MYLK: variants seen among roughly 807,000 people sequenced by gnomAD.
MYLK encodes the protein myosin light chain kinase, smooth muscle.
Under a neutral mutation model 203.4 loss-of-function variants are expected in MYLK, and 106 were observed. The observed-to-expected ratio is 0.52, with a 90% CI of 0.45 to 0.61. The LOEUF is 0.61. MYLK is among the 20% of genes least tolerant of loss of function. The pLI is 0.00. For missense variants in MYLK, 2,072 were observed against 2,442.3 expected (o/e 0.85, Z 3.20); for synonymous variants, 867 against 959.5 (o/e 0.90, Z 1.78).
chr3:123,854,328 T>A (rs965707830), intron 2 of MYLK, among the ~76,000 whole-genome samples: 7 of 152,022 alleles, frequency 4.6e-5, no homozygotes, highest in African/African-American at 1.7e-4. Context: ...TTAAAAAATC[T>A]ATAATTATTA....
At chr3:123,634,253 G>A (rs996018024) in intron 29 of MYLK, among the ~76,000 whole-genome samples, 9 of 152,196 alleles carry the variant, frequency 5.9e-5, no homozygotes, top group African/African-American at 2.2e-4. Context: ...GGCTTGGAGA[G>A]GGAACAGGGA....
At chr3:123,615,334 C>CTT (rs1436742883) in intron 33 of MYLK, among the ~76,000 whole-genome samples, 1 of 151,860 alleles carries the variant, frequency 6.6e-6, no homozygotes, top group Non-Finnish European at 1.5e-5. Context: ...ATACAATTTT[C>CTT]TTTTTCCTTT....
intron 21 of MYLK, 147 bp from the exon 22 acceptor site, chr3:123,666,493 G>A (rs2059739737): frequency 1.7e-6 from 2 of 1,145,774 alleles, no homozygotes; most frequent in Non-Finnish European, 1.3e-6. Flanking sequence ...TGATCCTGCT[G>A]CAGGACATCC....
rs558165976 is a variant in MYLK at position 123,821,726 on chromosome 3, G to A, written c.-4+9822C>T. 8.5e-5 allele frequency among the ~76,000 whole-genome samples: 13 copies of A among 152,246 alleles called. No individual in the cohort carries two copies. In the East Asian group the frequency reaches 1.4e-3, roughly 16 times the overall value. ...ATGCTTTCCTATGATACTATGGGTC[G>A]TCTGCTTTCATTATGTTTATGTAAG... On this transcript the variant is annotated intron_variant, in intron 3 of 33. Transcript: ENST00000360304.
chr3:123,706,158 A>C (rs373777979), intron 16 of MYLK, among the ~76,000 whole-genome samples: 1 of 152,334 alleles, frequency 6.6e-6, no homozygotes, highest in East Asian at 1.9e-4. Context: ...GCCTTGCCTA[A>C]ATCAGCAGAA....
At chr3:123,659,388 G>A (rs2059493399) in intron 23 of MYLK, among the ~76,000 whole-genome samples, 1 of 152,224 alleles carries the variant, frequency 6.6e-6, no homozygotes, top group Admixed American at 6.5e-5. Context: ...TGTTACACAT[G>A]TCTCTTGGCT....
At chr3:123,656,527 T>C (rs146489040) in intron 24 of MYLK, among the ~76,000 whole-genome samples, 39 of 152,300 alleles carry the variant, frequency 2.6e-4, no homozygotes, top group Non-Finnish European at 4.4e-4. Flanking sequence ...TAGAGTGCCT[T>C]TCCTTATCTT....
Position 123,804,415 on chromosome 3 carries a change from C to T in MYLK, c.-3-10571G>A, listed in dbSNP as rs559497768. On this transcript the variant is annotated intron_variant, in intron 3 of 33. Transcript: ENST00000360304. The stretch of plus-strand genomic sequence containing the variant: ...GCAGGAGTCTGTCCTGCCCTCCCCT[C>T]CTCTCCAACAGTGGTCTGTGAGAAG... Among the ~76,000 whole-genome samples the T allele has an allele frequency of 1.5e-3, 225 of 152,220 alleles. 1 individual carries two copies. The highest frequency in any genetic ancestry group is 0.01 in the Middle Eastern group (3 of 294).
Position 123,700,679 on chromosome 3 carries a change from T to C in MYLK, c.2789A>G (p.Gln930Arg). 1 of 1,614,170 alleles carries C rather than the reference T, an allele frequency of 6.2e-7. No individual in the cohort carries two copies. Among genetic ancestry groups the C allele is most frequent in the Non-Finnish European group, 8.5e-7 (1 of 1,180,044 alleles). Residue 930 changes from glutamine (Q) to arginine (R), a missense_variant, in exon 18 of 34, where the codon CAG (glutamine) becomes CGG (arginine). By Grantham distance (43) the Gln-to-Arg change is conservative. Coordinates refer to ENST00000360304, the MANE Select transcript of MYLK (RefSeq NM_053025.4). ...AEQMDFRANL[Q>R]RQVKPKTVSE... is the part of the protein sequence containing the mutation. Reference sequence around the variant, plus strand: ...CACAGTCTTTGGCTTCACTTGCCGCTGCAGGTTGGCACGGAAATCCATCTG... The same window carrying C: ...CACAGTCTTTGGCTTCACTTGCCGCCGCAGGTTGGCACGGAAATCCATCTG...
At chr3:123,673,161 C>CTTTTTTTTTTTT (rs761090869) in intron 20 of MYLK, among the ~76,000 whole-genome samples, 1 of 136,960 alleles carries the variant, frequency 7.3e-6, no homozygotes, top group African/African-American at 2.8e-5. Context: ...TTTTTCTTTT[C>CTTTTTTTTTTTT]TTTTTTTTTT....
At chr3:123,696,566 A>G (rs1468043243) in intron 18 of MYLK, among the ~76,000 whole-genome samples, 1 of 150,040 alleles carries the variant, frequency 6.7e-6, no homozygotes, top group African/African-American at 2.5e-5. Context: ...AGGCACCCAC[A>G]CTTAGTGGTC....
chr3:123,756,395 A>C (rs2063360419), intron 4 of MYLK, among the ~76,000 whole-genome samples: 1 of 152,160 alleles, frequency 6.6e-6, no homozygotes, highest in Non-Finnish European at 1.5e-5. Flanking sequence ...TGTGTACCTA[A>C]GACACCCCTA....
intron 16 of MYLK, among the ~76,000 whole-genome samples, chr3:123,706,225 G>T (rs1176810495): frequency 2.6e-5 from 4 of 152,102 alleles, no homozygotes; most frequent in African/African-American, 9.7e-5. Context: ...AAAAATAAAC[G>T]AGCTATTTTT....
intron 3 of MYLK, among the ~76,000 whole-genome samples, chr3:123,803,517 C>T (rs189227234): frequency 3.9e-5 from 6 of 152,298 alleles, no homozygotes; most frequent in Non-Finnish European, 8.8e-5. Flanking sequence ...CCTCTCTACA[C>T]GGCCTGAAGG....
At chr3:123,786,561 A>C (rs906739821) in intron 4 of MYLK, among the ~76,000 whole-genome samples, 1 of 151,360 alleles carries the variant, frequency 6.6e-6, no homozygotes, top group Non-Finnish European at 1.5e-5. Flanking sequence ...ATGGGTACAA[A>C]AAAAAAAGAA....
At chr3:123,751,722 A>G (rs2063198273) in intron 5 of MYLK, among the ~76,000 whole-genome samples, 1 of 152,178 alleles carries the variant, frequency 6.6e-6, no homozygotes, top group Non-Finnish European at 1.5e-5. Context: ...AGACACTGCA[A>G]TGTGAGATGG....
At chr3:123,618,408 T>C in intron 33 of MYLK, 1 of 539,076 alleles carries the variant, frequency 1.9e-6, no homozygotes, top group Non-Finnish European at 3.3e-6. Context: ...GTAGGTGAAA[T>C]TTCAAATGTG....
chr3:123,839,681 A>C (rs2066547921), intron 2 of MYLK, among the ~76,000 whole-genome samples: 1 of 152,234 alleles, frequency 6.6e-6, no homozygotes, highest in African/African-American at 2.4e-5. Flanking sequence ...GAATTTAGAA[A>C]GGTGAACACC....
rs185622222 is a variant in MYLK at position 123,697,472 on chromosome 3, C to T, written c.3448+2548G>A. ...GTCATTAGTGTTTTCTGTTGATAGACAAATTCTCAGCTGCCACCAGTACCC... is the reference window on the plus strand; with the variant it reads ...GTCATTAGTGTTTTCTGTTGATAGATAAATTCTCAGCTGCCACCAGTACCC... On this transcript the variant is annotated intron_variant, in intron 18 of 33. Transcript: ENST00000360304. Among the ~76,000 whole-genome samples the T allele has an allele frequency of 1.0e-3, 158 of 152,284 alleles. 1 individual carries two copies. The highest frequency in any genetic ancestry group is 2.5e-4 in the Non-Finnish European group (17 of 68,010).
Sources: allele counts gnomAD v4.1 joint callset (sites outside exome capture counted in the v4.1 genomes callset), GRCh38; gene constraint gnomAD v4.1.1; transcripts MANE v1.5; gene names NCBI Gene and HGNC (gene_info 2026-07-23, HGNC 2026-07-21).